The following SCN1A variants were observed in gnomAD, a reference collection of about 807,000 sequenced individuals.
SCN1A encodes sodium voltage-gated channel alpha subunit 1.
In SCN1A, 13 loss-of-function variants were observed where a neutral mutation model predicts 193.7. The ratio of observed to expected loss-of-function variants is 0.07; its 90% CI spans 0.04 to 0.11. The LOEUF is 0.11. Among genes scored for constraint, SCN1A ranks in the 10% least tolerant of loss-of-function variants. The pLI is 1.00. For synonymous variants in SCN1A, 781 were observed against 843.6 expected, an observed-to-expected ratio of 0.93 and a Z score of 1.29; for missense variants, 1,432 against 2,451.1, an observed-to-expected ratio of 0.58 and a Z score of 8.78.
chr2:166,020,417 C>T (rs895947836), intron 19 of SCN1A, among the ~76,000 whole-genome samples: 1 of 152,176 alleles, frequency 6.6e-6, no homozygotes, highest in Non-Finnish European at 1.5e-5. Context: ...CAGTAAAATA[C>T]AATAACTGAT....
At chr2:166,066,365 G>A (rs965365431) in intron 4 of SCN1A, among the ~76,000 whole-genome samples, 6 of 152,140 alleles carry the variant, frequency 3.9e-5, no homozygotes, top group African/African-American at 1.4e-4. Flanking sequence ...AGCTTGCTGT[G>A]TGAGAACTAT....
At chr2:166,100,374 A>T (rs1346188754) in intron 2 of SCN1A, among the ~76,000 whole-genome samples, 1 of 144,478 alleles carries the variant, frequency 6.9e-6, no homozygotes, top group Non-Finnish European at 1.5e-5. Flanking sequence ...AAGATGGATT[A>T]AAGATTTAAA....
intron 2 of SCN1A, among the ~76,000 whole-genome samples, chr2:166,092,189 C>A (rs1337459686): frequency 6.6e-6 from 1 of 151,978 alleles, no homozygotes; most frequent in African/African-American, 2.4e-5. Flanking sequence ...AAAATATAGA[C>A]CATTGCATTC....
At chr2:166,092,460 G>A (rs948645620) in intron 2 of SCN1A, 5 of 152,168 alleles carry the variant, frequency 3.3e-5, no homozygotes, top group Non-Finnish European at 7.3e-5. Context: ...TGCAGGTATT[G>A]GTTTGTTGAT....
intron 2 of SCN1A, among the ~76,000 whole-genome samples, chr2:166,119,753 A>G (rs1343643613): frequency 6.6e-6 from 1 of 152,124 alleles, no homozygotes; most frequent in African/African-American, 2.4e-5. Flanking sequence ...GCCTAGTTTT[A>G]TTAATATTCC....
downstream of SCN1A, chr2:165,984,883 C>T (rs1381972856): frequency 6.6e-6 from 1 of 152,058 alleles, no homozygotes; most frequent in African/African-American, 2.4e-5. Flanking sequence ...TAACAGCTAG[C>T]ATAACATTTT....
chr2:166,118,636 C>CTTTTTTTTTTTTTTTTTTT (rs1690181843), intron 2 of SCN1A, among the ~76,000 whole-genome samples: 1 of 151,938 alleles, frequency 6.6e-6, no homozygotes, highest in Non-Finnish European at 1.5e-5. Flanking sequence ...TACTACTGGC[C>CTTTTTTTTTTTTTTTTTTT]TTTTTAAGTG....
chr2:166,078,070 TGACAC>T (rs1456868844), intron 2 of SCN1A, among the ~76,000 whole-genome samples: 3 of 151,970 alleles, frequency 2.0e-5, no homozygotes, highest in Admixed American at 6.6e-5. Flanking sequence ...ATACTTTGCA[TGACAC>T]TGTAATAGTG....
At chr2:166,141,760 G>T (rs765372160) in intron 1 of SCN1A, among the ~76,000 whole-genome samples, 1 of 149,770 alleles carries the variant, frequency 6.7e-6, no homozygotes, top group African/African-American at 2.5e-5. Flanking sequence ...CAAACAATGC[G>T]GATGTATACA....
At position 166,056,515 on chromosome 2, in the gene SCN1A, A is replaced by G. The variant is rs1172183466; in HGVS notation, c.384-15T>C. The G allele has an allele frequency of 3.3e-6, 5 of 1,523,544 alleles. No homozygotes were observed. The African/African-American group carries it at 5.5e-5, about 17-fold the overall frequency. 94.4% of individuals were successfully genotyped at this position (1,523,544 alleles called of 1,614,324 possible). The stretch of plus-strand genomic sequence containing the variant: ...TGCTGAATAATGTAGGTTATTGTTA[A>G]GGAACACACAAAAGAAAATCAAAAT... On this transcript the variant is annotated splice_polypyrimidine_tract_variant and intron_variant, in intron 5 of 28. Transcript: ENST00000674923.
At chr2:166,045,018 A>G (rs1697621668) in intron 13 of SCN1A, 25 bp downstream of exon 13, 3 of 1,613,048 alleles carry the variant, frequency 1.9e-6, no homozygotes, top group African/African-American at 1.3e-5. Flanking sequence ...TCAACCATGC[A>G]TCAGTAAACT....
chr2:166,109,027 TC>T (rs960106920), intron 2 of SCN1A, among the ~76,000 whole-genome samples: 20 of 152,160 alleles, frequency 1.3e-4, no homozygotes, highest in Non-Finnish European at 2.8e-4. Context: ...TTTATTCTTT[TC>T]TCTTCTATAG....
chr2:166,039,667 A>T, intron 16 of SCN1A, 71 bp from the exon 17 acceptor site: 1 of 1,361,638 alleles, frequency 7.3e-7, no homozygotes, highest in Non-Finnish European at 1.0e-6. Flanking sequence ...TGCTCTTAGA[A>T]CATAATGCTT....
intron 1 of SCN1A, among the ~76,000 whole-genome samples, chr2:166,136,887 G>A (rs1376261446): frequency 6.6e-6 from 1 of 152,096 alleles, no homozygotes; most frequent in Non-Finnish European, 1.5e-5. Context: ...GTGTGGTCGG[G>A]GAGACTCTCC....
upstream of SCN1A, among the ~76,000 whole-genome samples, chr2:166,130,635 A>G (rs1197867929): frequency 6.6e-6 from 1 of 152,216 alleles, no homozygotes; most frequent in Non-Finnish European, 1.5e-5. Context: ...ATCTTATGAA[A>G]CATGGTCATT....
chr2:166,107,706 G>T (rs1334501110), intron 2 of SCN1A, among the ~76,000 whole-genome samples: 1 of 151,984 alleles, frequency 6.6e-6, no homozygotes, highest in African/African-American at 2.4e-5. Context: ...TAATTTAATT[G>T]GGAAAGAATA....
At chr2:166,040,877 A>G (rs1281021928) in intron 16 of SCN1A, among the ~76,000 whole-genome samples, 1 of 152,250 alleles carries the variant, frequency 6.6e-6, no homozygotes, top group Non-Finnish European at 1.5e-5. Context: ...TAAGAAGGAT[A>G]AAAGAGATCC....
chr2:166,080,728 G>T (rs551657239), intron 2 of SCN1A, among the ~76,000 whole-genome samples: 1 of 151,572 alleles, frequency 6.6e-6, no homozygotes, highest in African/African-American at 2.4e-5. Flanking sequence ...TGAGTGGAAA[G>T]AAATAGTAAA....
chr2:166,047,897 A>G (rs1698044596), intron 10 of SCN1A, 129 bp from the exon 11 acceptor site: 2 of 1,240,846 alleles, frequency 1.6e-6, no homozygotes, highest in Non-Finnish European at 1.2e-6. Context: ...TAAGTAACTA[A>G]TCTATTTCCC....
Sources: allele counts gnomAD v4.1 joint callset (sites outside exome capture counted in the v4.1 genomes callset), GRCh38; gene constraint gnomAD v4.1.1; transcripts MANE v1.5; gene names NCBI Gene and HGNC (gene_info 2026-07-23, HGNC 2026-07-21).